AGBL1: variants seen among roughly 807,000 people sequenced by gnomAD.
The protein encoded by AGBL1 is cytosolic carboxypeptidase 4.
A neutral mutation model predicts 118.9 loss-of-function variants in AGBL1; 130 were observed. That is an observed-to-expected ratio of 1.09 (90% CI 0.95 to 1.26). AGBL1 has a LOEUF of 1.26. Ranked by LOEUF, AGBL1 falls within the 50% of genes most tolerant of loss-of-function variation. The pLI is 0.00. For synonymous variants in AGBL1, 555 were observed against 478.9 expected (o/e 1.16, Z -2.08); for missense variants, 1,584 against 1,298.1 (o/e 1.22, Z -3.38).
intron 18 of AGBL1, among the ~76,000 whole-genome samples, chr15:86,424,272 A>G (rs1359125026): frequency 6.6e-6 from 1 of 152,192 alleles, no homozygotes; most frequent in Non-Finnish European, 1.5e-5. Context: ...AACCTCACAA[A>G]AACAAGCAAT....
intron 22 of AGBL1, among the ~76,000 whole-genome samples, chr15:86,871,466 C>A (rs2079727257): frequency 6.6e-6 from 1 of 152,076 alleles, no homozygotes; most frequent in African/African-American, 2.4e-5. Context: ...CACAGAATCC[C>A]CTTCCCTCAT....
chr15:86,707,034 A>G (rs957798675), intron 22 of AGBL1, among the ~76,000 whole-genome samples: 10 of 152,320 alleles, frequency 6.6e-5, no homozygotes, highest in African/African-American at 2.2e-4. Flanking sequence ...CATGAATCAT[A>G]TAATGTGAAC....
chr15:86,935,082 G>A (rs2080652043), intron 23 of AGBL1: 1 of 152,096 alleles, frequency 6.6e-6, no homozygotes, highest in African/African-American at 2.4e-5. Context: ...TAATCCTCCA[G>A]GCTGAACCAG....
intron 22 of AGBL1, among the ~76,000 whole-genome samples, chr15:86,891,242 G>C (rs1257734325): frequency 3.3e-5 from 5 of 152,110 alleles, no homozygotes; most frequent in Admixed American, 3.3e-4. Context: ...GTTGTATCCT[G>C]AGACTTTGCT....
chr15:86,603,924 T>C (rs939733460), intron 21 of AGBL1, among the ~76,000 whole-genome samples: 1 of 152,108 alleles, frequency 6.6e-6, no homozygotes, highest in African/African-American at 2.4e-5. Flanking sequence ...GAGGACAGAT[T>C]GTCCCTCAGA....
At position 86,464,638 on chromosome 15, in the gene AGBL1, T is replaced by C. The variant is rs142530417; in HGVS notation, c.2556-58172T>C. ...CATCAATACCTAGTTTATTGAGAGT[T>C]TTTAGCATGAAGGGGTGTTGAATTT... On this transcript the variant is annotated intron_variant, in intron 18 of 22. Coordinates refer to ENST00000614907, the MANE Select transcript of AGBL1 (RefSeq NM_001386094.1). Among the ~76,000 whole-genome samples, 1,033 of 152,334 alleles carry C rather than the reference T, an allele frequency of 6.8e-3. 13 individuals are homozygous for C. Among genetic ancestry groups the C allele is most frequent in the African/African-American group, 0.023 (961 of 41,572 alleles).
chr15:86,802,936 A>G (rs1162436046), intron 22 of AGBL1, among the ~76,000 whole-genome samples: 3 of 152,174 alleles, frequency 2.0e-5, no homozygotes, highest in Non-Finnish European at 4.4e-5. Context: ...ATGACGTAAG[A>G]TAGGTAAGAA....
At chr15:86,587,301 C>T (rs2084264533) in intron 21 of AGBL1, among the ~76,000 whole-genome samples, 1 of 152,178 alleles carries the variant, frequency 6.6e-6, no homozygotes, top group Non-Finnish European at 1.5e-5. Flanking sequence ...TCTTTTTCCT[C>T]TGACCTCTAT....
intron 22 of AGBL1, among the ~76,000 whole-genome samples, chr15:86,740,610 C>A (rs1228875244): frequency 6.6e-6 from 1 of 152,218 alleles, no homozygotes; most frequent in Non-Finnish European, 1.5e-5. Flanking sequence ...TTATGGCACA[C>A]AATTTATAAG....
intron 18 of AGBL1, among the ~76,000 whole-genome samples, chr15:86,485,390 T>C (rs1260750902): frequency 1.3e-5 from 1 of 76,832 alleles, no homozygotes; most frequent in Admixed American, 9.9e-5. Context: ...TATGAACAAC[T>C]ATACTTATTT....
intron 22 of AGBL1, among the ~76,000 whole-genome samples, chr15:86,680,218 A>G (rs931823865): frequency 6.6e-6 from 1 of 152,166 alleles, no homozygotes; most frequent in Non-Finnish European, 1.5e-5. Context: ...AATGACTTGC[A>G]TTGCTCATCT....
Position 87,000,875 on chromosome 15 carries a change from C to A in AGBL1, c.3323+12787C>A, listed in dbSNP as rs1361123784. ...CTACCCATGAGCATGGCATGTTCTT[C>A]CATTTGTTTGTATCCTCTTTTATTT... On this transcript the variant is annotated intron_variant, in intron 24 of 24. Coordinates refer to the AGBL1 transcript ENST00000441037. Among the ~76,000 whole-genome samples the A allele has an allele frequency of 3.0e-4, 45 of 147,606 alleles. 1 individual carries two copies. Among genetic ancestry groups the A allele is most frequent in the Middle Eastern group, 3.5e-3 (1 of 286 alleles).
intron 17 of AGBL1, among the ~76,000 whole-genome samples, chr15:86,361,622 T>A (rs2080806820): frequency 6.6e-6 from 1 of 152,078 alleles, no homozygotes; most frequent in Non-Finnish European, 1.5e-5. Context: ...TATATTTAGG[T>A]TCTTTGATGT....
At chr15:87,027,040 C>T (rs1278618155) in intron 24 of AGBL1, among the ~76,000 whole-genome samples, 1 of 151,982 alleles carries the variant, frequency 6.6e-6, no homozygotes, top group Non-Finnish European at 1.5e-5. Context: ...GCAGTGCATA[C>T]TGCTTGGGTG....
At chr15:86,200,856 TC>T (rs1406079936) in intron 5 of AGBL1, among the ~76,000 whole-genome samples, 1 of 152,054 alleles carries the variant, frequency 6.6e-6, no homozygotes, top group Non-Finnish European at 1.5e-5. Context: ...CCTCAGGTGA[TC>T]CACTTGTCTC....
intron 21 of AGBL1, among the ~76,000 whole-genome samples, chr15:86,570,359 A>C (rs1387969499): frequency 1.3e-5 from 2 of 152,238 alleles, no homozygotes; most frequent in Admixed American, 6.5e-5. Flanking sequence ...GATTTATTGC[A>C]AAGTGAAAGG....
At chr15:86,204,692 C>G (rs746016009) in intron 5 of AGBL1, among the ~76,000 whole-genome samples, 60 of 152,238 alleles carry the variant, frequency 3.9e-4, no homozygotes, top group Non-Finnish European at 7.6e-4. Context: ...TGGGTTCAAG[C>G]AATTCTCCTG....
At chr15:86,703,238 A>T (rs2086390932) in intron 22 of AGBL1, among the ~76,000 whole-genome samples, 1 of 152,182 alleles carries the variant, frequency 6.6e-6, no homozygotes, top group African/African-American at 2.4e-5. Context: ...GCCTAGACGA[A>T]TAGATATACA....
intron 5 of AGBL1, among the ~76,000 whole-genome samples, chr15:86,222,348 A>G (rs1002307589): frequency 6.6e-6 from 1 of 152,108 alleles, no homozygotes; most frequent in Non-Finnish European, 1.5e-5. Flanking sequence ...AAACACTGCA[A>G]CTTCTCTTCT....
Sources: allele counts gnomAD v4.1 joint callset (sites outside exome capture counted in the v4.1 genomes callset), GRCh38; gene constraint gnomAD v4.1.1; transcripts MANE v1.5; gene names NCBI Gene and HGNC (gene_info 2026-07-23, HGNC 2026-07-21).